The following CDH13 variants were observed in gnomAD, a reference collection of about 807,000 sequenced individuals.
CDH13 encodes cadherin-13.
In CDH13, 24 loss-of-function variants were observed where a neutral mutation model predicts 63.8. The observed-to-expected ratio is 0.38, with a 90% confidence interval of 0.27 to 0.53. The LOEUF (loss-of-function observed/expected upper bound fraction) is 0.53. CDH13 is among the 20% of genes least tolerant of loss of function. CDH13 has a pLI of 0.85. For synonymous variants in CDH13, 503 were observed against 355.3 expected (o/e 1.42, Z -4.67); for missense variants, 1,049 against 903.1 (o/e 1.16, Z -2.07).
At chr16:83,673,358 G>C (rs1914681807) in intron 9 of CDH13, among the ~76,000 whole-genome samples, 1 of 152,100 alleles carries the variant, frequency 6.6e-6, no homozygotes. Context: ...CAATCTCCGA[G>C]AAATCATCCC....
intron 1 of CDH13, among the ~76,000 whole-genome samples, chr16:82,650,398 A>G: frequency 6.6e-6 from 1 of 152,198 alleles, no homozygotes; most frequent in African/African-American, 2.4e-5. Context: ...AGAAAGCTCC[A>G]TCAACTCAGT....
chr16:83,741,797 C>A (rs919571424), intron 10 of CDH13, among the ~76,000 whole-genome samples: 7 of 144,702 alleles, frequency 4.8e-5, no homozygotes, highest in African/African-American at 2.0e-4. Context: ...GGGTCCCCAA[C>A]CCCTGGGCCA....
chr16:82,861,640 C>T (rs1370660340), intron 2 of CDH13, among the ~76,000 whole-genome samples: 1 of 152,174 alleles, frequency 6.6e-6, no homozygotes, highest in Non-Finnish European at 1.5e-5. Context: ...ACCTCCACTC[C>T]TTTTATTTCC....
intron 2 of CDH13, among the ~76,000 whole-genome samples, chr16:82,944,778 AAGAG>A (rs890695141): frequency 1.3e-5 from 2 of 151,710 alleles, no homozygotes; most frequent in Non-Finnish European, 2.9e-5. Context: ...GAGAGAGAGA[AAGAG>A]AGAGAGAGAG....
intron 1 of CDH13, among the ~76,000 whole-genome samples, chr16:82,728,633 C>G (rs1349345350): frequency 6.6e-6 from 1 of 152,068 alleles, no homozygotes; most frequent in Admixed American, 6.6e-5. Context: ...GAGGGTCTTG[C>G]CTTGATGTGA....
At chr16:83,493,348 C>CTACAAAATTTTATTG (rs1188663858) in intron 7 of CDH13, among the ~76,000 whole-genome samples, 3 of 152,184 alleles carry the variant, frequency 2.0e-5, no homozygotes, top group African/African-American at 7.2e-5. Context: ...GCTAATCCAG[C>CTACAAAATTTTATTG]CTACAAAATT....
At chr16:82,841,534 A>C (rs977641023) in intron 1 of CDH13, among the ~76,000 whole-genome samples, 3 of 152,218 alleles carry the variant, frequency 2.0e-5, no homozygotes. Flanking sequence ...CATCAAAAGC[A>C]ATATTTAAAT....
intron 5 of CDH13, among the ~76,000 whole-genome samples, chr16:83,268,405 G>T (rs536101763): frequency 6.6e-6 from 1 of 152,254 alleles, no homozygotes; most frequent in Admixed American, 6.5e-5. Flanking sequence ...AAGCATTTCA[G>T]GGCAGTTGCC....
At chr16:83,257,625 T>G (rs920924605) in intron 5 of CDH13, among the ~76,000 whole-genome samples, 1 of 152,202 alleles carries the variant, frequency 6.6e-6, no homozygotes, top group African/African-American at 2.4e-5. Context: ...GTAGTAGTAT[T>G]GTGTGGCGTA....
At chr16:83,376,305 A>T (rs1250155252) in intron 6 of CDH13, among the ~76,000 whole-genome samples, 9 of 152,150 alleles carry the variant, frequency 5.9e-5, no homozygotes, top group African/African-American at 2.2e-4. Flanking sequence ...TGGAAGACTC[A>T]AAGGGGCTTG....
intron 6 of CDH13, among the ~76,000 whole-genome samples, chr16:83,417,766 T>A (rs1404534198): frequency 6.6e-6 from 1 of 152,220 alleles, no homozygotes; most frequent in Non-Finnish European, 1.5e-5. Flanking sequence ...TCCTGTTATA[T>A]AAGCAATCAG....
chr16:82,740,708 G>A (rs1743612292), intron 1 of CDH13, among the ~76,000 whole-genome samples: 1 of 152,104 alleles, frequency 6.6e-6, no homozygotes, highest in Non-Finnish European at 1.5e-5. Flanking sequence ...AAGTTTCCAG[G>A]TTAGCATATA....
rs77745842 is a variant in CDH13 at position 83,412,655 on chromosome 16, C to T, written c.781+67649C>T. 5.0e-3 allele frequency among the ~76,000 whole-genome samples: 765 copies of T among 152,270 alleles called. 11 individuals carry two copies. Among genetic ancestry groups the T allele is most frequent in the African/African-American group, 0.017 (727 of 41,550 alleles). On this transcript the variant is annotated intron_variant, in intron 6 of 13. Coordinates refer to ENST00000567109, the MANE Select transcript of CDH13 (RefSeq NM_001257.5). ...GAGAAGGTGGGGTGGGGCACATCAA[C>T]TCCTTGCAGGTAGACACTCTGACAA...
At chr16:83,267,070 G>C (rs1205003397) in intron 5 of CDH13, among the ~76,000 whole-genome samples, 1 of 152,064 alleles carries the variant, frequency 6.6e-6, no homozygotes, top group East Asian at 1.9e-4. Flanking sequence ...TCAGTGTTAA[G>C]AATTTGTTAG....
chr16:83,380,592 G>C (rs564465847), intron 6 of CDH13, among the ~76,000 whole-genome samples: 4 of 152,288 alleles, frequency 2.6e-5, no homozygotes, highest in African/African-American at 9.6e-5. Flanking sequence ...GCAGTCTGGA[G>C]ACGTCATTTG....
chr16:82,867,499 C>A (rs1240704296), intron 2 of CDH13, among the ~76,000 whole-genome samples: 7 of 152,146 alleles, frequency 4.6e-5, no homozygotes, highest in South Asian at 2.1e-4. Flanking sequence ...TCTCAGCTTT[C>A]CACCCTCTCT....
intron 3 of CDH13, among the ~76,000 whole-genome samples, chr16:83,074,419 C>T (rs927523385): frequency 6.6e-6 from 1 of 152,172 alleles, no homozygotes; most frequent in African/African-American, 2.4e-5. Flanking sequence ...AAGGTCCGTT[C>T]CATATCTTTG....
intron 6 of CDH13, among the ~76,000 whole-genome samples, chr16:83,410,128 T>C (rs734196): frequency 0.23 from 34,997 of 152,070 alleles, 4,294 homozygotes; most frequent in Middle Eastern, 0.35. Context: ...ATTATGAGCA[T>C]AGCCCATGTA....
At chr16:83,334,722 G>T (rs1390920769) in intron 5 of CDH13, among the ~76,000 whole-genome samples, 2 of 152,060 alleles carry the variant, frequency 1.3e-5, no homozygotes, top group African/African-American at 4.8e-5. Context: ...AATTCCATTG[G>T]CAACCTTAAT....
Sources: gnomAD v4.1 joint callset for allele counts (sites outside exome capture counted in the v4.1 genomes callset) on GRCh38, gnomAD v4.1.1 for gene constraint, MANE v1.5 for transcripts, NCBI Gene and HGNC (gene_info 2026-07-23, HGNC 2026-07-21) for gene names.